Variants in CLEC16A observed in about 807,000 individuals in gnomAD.
The protein encoded by CLEC16A is protein CLEC16A.
Under a neutral mutation model 109.5 loss-of-function variants are expected in CLEC16A, and 51 were observed. The observed-to-expected ratio is 0.47, with a 90% CI of 0.37 to 0.59. The LOEUF is 0.59. Among genes scored for constraint, CLEC16A ranks in the 20% least tolerant of loss-of-function variants. CLEC16A has a pLI of 0.00. For synonymous variants in CLEC16A, 673 were observed against 564.2 expected, an observed-to-expected ratio of 1.19 and a Z score of -2.73; for missense variants, 1,339 against 1,394.0, an observed-to-expected ratio of 0.96 and a Z score of 0.63.
At chr16:11,155,263 C>G (rs1567400493) in intron 22 of CLEC16A, among the ~76,000 whole-genome samples, 1 of 152,024 alleles carries the variant, frequency 6.6e-6, no homozygotes, top group African/African-American at 2.4e-5. Context: ...CTCACGAACC[C>G]TGTAAGGTGT....
At chr16:11,096,108 G>A (rs1271652992) in intron 19 of CLEC16A, among the ~76,000 whole-genome samples, 1 of 152,146 alleles carries the variant, frequency 6.6e-6, no homozygotes, top group Non-Finnish European at 1.5e-5. Context: ...GCTGAGGCGA[G>A]GGTTGTGGGG....
chr16:11,135,064 T>A (rs1012610494), intron 22 of CLEC16A, among the ~76,000 whole-genome samples: 2 of 152,224 alleles, frequency 1.3e-5, no homozygotes, highest in Non-Finnish European at 2.9e-5. Context: ...GTCCCTGGTG[T>A]GCATGAACAA....
At chr16:11,118,017 T>C (rs944531058) in intron 19 of CLEC16A, among the ~76,000 whole-genome samples, 3 of 152,128 alleles carry the variant, frequency 2.0e-5, no homozygotes, top group African/African-American at 7.2e-5. Context: ...TTTTGTCACC[T>C]AGGCTACAGT....
At chr16:11,017,007 G>C (rs928358590) in intron 11 of CLEC16A, among the ~76,000 whole-genome samples, 8 of 123,026 alleles carry the variant, frequency 6.5e-5, no homozygotes, top group Middle Eastern at 4.1e-3. Context: ...GGGCGGGGGG[G>C]GGGGTGCTCC....
chr16:11,100,094 A>T (rs1270646141), intron 19 of CLEC16A, among the ~76,000 whole-genome samples: 2 of 152,092 alleles, frequency 1.3e-5, no homozygotes, highest in Non-Finnish European at 2.9e-5. Context: ...CTCTTTTCTT[A>T]ACTTTTGCCT....
intron 22 of CLEC16A, among the ~76,000 whole-genome samples, chr16:11,138,908 G>C (rs1247878928): frequency 6.6e-6 from 1 of 152,098 alleles, no homozygotes; most frequent in African/African-American, 2.4e-5. Flanking sequence ...TTGCGCAAGG[G>C]TTTCCTCAGG....
chr16:11,043,453 C>T (rs953184041), intron 15 of CLEC16A, among the ~76,000 whole-genome samples: 2 of 151,998 alleles, frequency 1.3e-5, no homozygotes, highest in Admixed American at 1.3e-4. Context: ...TATTTTATAA[C>T]CCATTTTCCC....
At chr16:11,020,859 G>C (rs1306516488) in intron 12 of CLEC16A, among the ~76,000 whole-genome samples, 1 of 152,198 alleles carries the variant, frequency 6.6e-6, no homozygotes, top group Non-Finnish European at 1.5e-5. Context: ...AAACCTGGGT[G>C]ACCCCACATT....
intron 22 of CLEC16A, among the ~76,000 whole-genome samples, chr16:11,138,681 A>G (rs935234203): frequency 6.6e-6 from 1 of 152,176 alleles, no homozygotes; most frequent in African/African-American, 2.4e-5. Context: ...CTATAGGATT[A>G]TATTGCTTGT....
chr16:11,026,843 G>A (rs187825465), intron 13 of CLEC16A, among the ~76,000 whole-genome samples: 9 of 152,272 alleles, frequency 5.9e-5, no homozygotes, highest in African/African-American at 2.2e-4. Flanking sequence ...TGGAAGCGGT[G>A]CAACTTTTGG....
chr16:10,948,990 G>GGTAT (rs1049721321), intron 1 of CLEC16A, among the ~76,000 whole-genome samples: 1 of 152,170 alleles, frequency 6.6e-6, no homozygotes, highest in Non-Finnish European at 1.5e-5. Flanking sequence ...TCTGGCCAAA[G>GGTAT]GTATAGGGGG....
At chr16:10,984,577 G>T (rs1300070097) in intron 10 of CLEC16A, among the ~76,000 whole-genome samples, 1 of 152,200 alleles carries the variant, frequency 6.6e-6, no homozygotes, top group Admixed American at 6.5e-5. Context: ...AAGGGAAGAA[G>T]TGTTTGGTGA....
chr16:11,156,536 G>T (rs1211310439), intron 22 of CLEC16A: 2 of 1,240,326 alleles, frequency 1.6e-6, no homozygotes, highest in Non-Finnish European at 2.1e-6. Flanking sequence ...AGTCTCCTGG[G>T]TGCTGTCTAA....
Position 11,003,361 on chromosome 16 carries a change from G to A in CLEC16A, c.1303+56G>A, listed in dbSNP as rs373587792. ...CTGCGCCGCCAGCCAGCCCGCCAGC[G>A]AGGCTGCCACCTGTGCCCTCTCCAC... On this transcript the variant is annotated intron_variant, in intron 11 of 23. Coordinates refer to ENST00000409790, the MANE Select transcript of CLEC16A (RefSeq NM_015226.3). 759 of 1,455,390 alleles carry A rather than the reference G, an allele frequency of 5.2e-4. 8 individuals are homozygous for A. The South Asian group carries it at 6.3e-3, about 12-fold the overall frequency. The allele number at this position is 1,455,390 out of a possible 1,614,324, so 90.2% of individuals were successfully genotyped here.
intron 22 of CLEC16A, among the ~76,000 whole-genome samples, chr16:11,143,503 C>T (rs527375625): frequency 3.7e-4 from 56 of 152,292 alleles, no homozygotes; most frequent in African/African-American, 1.3e-3. Context: ...AGCAGTTTCC[C>T]TTAGCACCCT....
At chr16:11,172,238 A>G (rs1217086801) in intron 23 of CLEC16A, among the ~76,000 whole-genome samples, 1 of 151,710 alleles carries the variant, frequency 6.6e-6, no homozygotes, top group Non-Finnish European at 1.5e-5. Flanking sequence ...ACACACTCAT[A>G]CAGTCACACG....
Position 10,988,113 on chromosome 16 carries a change from G to T in CLEC16A, c.1071+5122G>T, listed in dbSNP as rs190300830. Among the ~76,000 whole-genome samples, 248 of 152,354 alleles carry T rather than the reference G, an allele frequency of 1.6e-3. 1 individual carries two copies. The highest frequency in any genetic ancestry group is 5.5e-3 in the African/African-American group (230 of 41,580). On this transcript the variant is annotated intron_variant, in intron 10 of 23. Coordinates refer to ENST00000409790, the MANE Select transcript of CLEC16A (RefSeq NM_015226.3). ...ATAGTGTTTCTTGTGTGGGGAAATC[G>T]AGTAGGACAACACTAATTCTGAAAC... is the stretch of plus-strand genomic sequence containing the variant.
intron 20 of CLEC16A, among the ~76,000 whole-genome samples, chr16:11,122,260 C>G (rs2052476052): frequency 6.6e-6 from 1 of 152,190 alleles, no homozygotes; most frequent in African/African-American, 2.4e-5. Context: ...GTAAAAGTGT[C>G]TTTTACAAAG....
intron 22 of CLEC16A, among the ~76,000 whole-genome samples, chr16:11,135,126 G>A (rs1331186381): frequency 6.6e-6 from 1 of 152,246 alleles, no homozygotes; most frequent in Non-Finnish European, 1.5e-5. Flanking sequence ...AGCAGGATTT[G>A]AGCCCCTTTC....
Sources: gnomAD v4.1 joint callset for allele counts (sites outside exome capture counted in the v4.1 genomes callset) on GRCh38, gnomAD v4.1.1 for gene constraint, MANE v1.5 for transcripts, NCBI Gene and HGNC (gene_info 2026-07-23, HGNC 2026-07-21) for gene names.